HERC2: variants seen among roughly 807,000 people sequenced by gnomAD.
HERC2 encodes HECT and RLD domain containing E3 ubiquitin protein ligase 2.
Under a neutral mutation model 537.7 loss-of-function variants are expected in HERC2, and 102 were observed. The ratio of observed to expected loss-of-function variants is 0.19; its 90% CI spans 0.16 to 0.22. HERC2 has a LOEUF of 0.22. Ranked by LOEUF, HERC2 falls within the 10% of genes least tolerant of loss-of-function variation. HERC2 has a pLI of 1.00. For synonymous variants in HERC2, 2,224 were observed against 2,466.2 expected (o/e 0.90, Z 2.91); for missense variants, 4,236 against 6,198.2 (o/e 0.68, Z 10.63).
At chr15:28,168,348 A>T (rs1894356238) in intron 67 of HERC2, 59 bp downstream of exon 67, 1 of 1,516,188 alleles carries the variant, frequency 6.6e-7, no homozygotes. Flanking sequence ...AGACTTTCCT[A>T]GACACAAAGT....
Position 28,177,624 on chromosome 15 carries a change from A to G in HERC2, c.9164-115T>C. 1 of 828,022 alleles carries G rather than the reference A, an allele frequency of 1.2e-6. No homozygotes were observed. Among genetic ancestry groups the G allele is most frequent in the South Asian group, 1.5e-5 (1 of 68,536 alleles). The allele number at this position is 828,022 out of a possible 1,614,324, so 51.3% of individuals were successfully genotyped here. A position where few individuals can be genotyped will look rare whatever the true frequency, so the allele number is the denominator to read the frequency against. On this transcript the variant is annotated intron_variant, in intron 59 of 92. Coordinates refer to ENST00000261609, the MANE Select transcript of HERC2 (RefSeq NM_004667.6). This position sits in a 1 kb window ranked among gnomAD's most constrained non-coding sequence, Gnocchi z 5.0. ...CACACACTCAATGAGCGTGAGCTGA[A>G]TAAATGAGTAACTCAACAGGATCAA...
At chr15:28,274,517 A>G (rs1192780267) in intron 6 of HERC2, 70 bp from the exon 7 acceptor site, 9 of 1,485,030 alleles carry the variant, frequency 6.1e-6, no homozygotes, top group Admixed American at 4.2e-5. Flanking sequence ...CCCACCCCTC[A>G]GCGAGAGATG....
chr15:28,277,353 C>T (rs1322765084), intron 5 of HERC2, among the ~76,000 whole-genome samples: 1 of 151,952 alleles, frequency 6.6e-6, no homozygotes, highest in Non-Finnish European at 1.5e-5. Context: ...TTAACACCCT[C>T]GTTGTGATGA....
chr15:28,256,574 C>A (rs1456118259), intron 17 of HERC2, among the ~76,000 whole-genome samples: 1 of 152,096 alleles, frequency 6.6e-6, no homozygotes, highest in African/African-American at 2.4e-5. Context: ...CAACTAGCAA[C>A]AGCAACCTCC....
In HERC2 at chr15:28,125,087, G is replaced by C. The variant is rs1324009927; in HGVS notation, c.12909C>G (p.Val4303=). The C allele has an allele frequency of 1.2e-6, 2 of 1,614,084 alleles. No homozygotes were observed. Among genetic ancestry groups the C allele is most frequent in the East Asian group, 2.2e-5 (1 of 44,866 alleles). The stretch of plus-strand genomic sequence containing the variant: ...GTGCTGAGCCACAGGCCACACGGTT[G>C]ACCTTCTTACCCTGAAGGGCAGCTA... The part of the protein sequence containing the change: ...RLVAALQGKK[V]NRVACGSAHT... Residue 4303 remains valine (V), a synonymous_variant, in exon 84 of 93, where the codon GTC becomes GTG. Transcript: ENST00000261609.
At chr15:28,217,749 C>T in intron 38 of HERC2, among the ~76,000 whole-genome samples, 1 of 152,130 alleles carries the variant, frequency 6.6e-6, no homozygotes. Flanking sequence ...TCAAAGAGTC[C>T]TTTCAGAGAC....
rs145270847 is a variant in HERC2 at position 28,307,288 on chromosome 15, G to C, written c.73-7772C>G. On this transcript the variant is annotated intron_variant, in intron 2 of 92. Transcript: ENST00000261609. The stretch of plus-strand genomic sequence containing the variant: ...TCTTTTTCTCTTAGCCTGCCTGAAG[G>C]CTTGTCAATTTATCTTTTAGAAAAA... 1.6e-3 allele frequency among the ~76,000 whole-genome samples: 249 copies of C among 152,250 alleles called. 3 individuals carry two copies. The highest frequency in any genetic ancestry group is 5.6e-3 in the African/African-American group (233 of 41,570).
intron 20 of HERC2, among the ~76,000 whole-genome samples, chr15:28,251,869 A>G (rs775838067): frequency 6.6e-6 from 1 of 152,242 alleles, no homozygotes; most frequent in Non-Finnish European, 1.5e-5. Flanking sequence ...CCATTTCAAC[A>G]TGATATCACT....
chr15:28,215,910 C>T (rs771905495), intron 38 of HERC2, 108 bp from the exon 39 acceptor site: 2 of 822,172 alleles, frequency 2.4e-6, no homozygotes, highest in Non-Finnish European at 3.7e-6. Context: ...AAAATAAGCT[C>T]CTTTACAAAT....
intron 48 of HERC2, among the ~76,000 whole-genome samples, chr15:28,200,530 C>G (rs1398758054): frequency 2.0e-5 from 3 of 152,140 alleles, no homozygotes; most frequent in Non-Finnish European, 4.4e-5. Flanking sequence ...GTTGTTGAAG[C>G]TGCCAGTCTA....
intron 26 of HERC2, among the ~76,000 whole-genome samples, chr15:28,235,775 A>G (rs1034200763): frequency 1.3e-5 from 2 of 152,198 alleles, no homozygotes; most frequent in African/African-American, 4.8e-5. Context: ...AGCTGAAAGC[A>G]GAGGCGTGTC....
intron 44 of HERC2, among the ~76,000 whole-genome samples, chr15:28,210,476 GTC>G: frequency 6.6e-6 from 1 of 152,266 alleles, no homozygotes; most frequent in African/African-American, 2.4e-5. Flanking sequence ...GTGTGATAAA[GTC>G]CCACGGAATG....
chr15:28,166,898 A>C (rs1483647018), intron 68 of HERC2, among the ~76,000 whole-genome samples: 1 of 152,250 alleles, frequency 6.6e-6, no homozygotes, highest in Non-Finnish European at 1.5e-5. Flanking sequence ...TATTTGACTA[A>C]AACAGGAACT....
chr15:28,150,786 A>C (rs1262058796), intron 70 of HERC2, among the ~76,000 whole-genome samples: 2 of 152,146 alleles, frequency 1.3e-5, no homozygotes, highest in African/African-American at 2.4e-5. Flanking sequence ...TTACTGAAAA[A>C]ACACACGTGA....
At chr15:28,193,172 C>T (rs1439386931) in intron 52 of HERC2, among the ~76,000 whole-genome samples, 1 of 152,016 alleles carries the variant, frequency 6.6e-6, no homozygotes, top group African/African-American at 2.4e-5. Flanking sequence ...CTAAAAATTA[C>T]CAGAAATGAT....
At chr15:28,138,962 T>TGAG (rs1388634900) in intron 78 of HERC2, among the ~76,000 whole-genome samples, 1 of 152,178 alleles carries the variant, frequency 6.6e-6, no homozygotes, top group East Asian at 1.9e-4. Flanking sequence ...CAGATGACCT[T>TGAG]GAGGGATTCA....
chr15:28,223,784 C>G (rs1243765274), intron 35 of HERC2, among the ~76,000 whole-genome samples: 1 of 152,126 alleles, frequency 6.6e-6, no homozygotes, highest in Non-Finnish European at 1.5e-5. Flanking sequence ...CTGATCAGGG[C>G]AGGCCGCAAA....
chr15:28,124,260 C>G, intron 84 of HERC2, 26 bp from the exon 85 acceptor site: 1 of 1,413,900 alleles, frequency 7.1e-7, no homozygotes. Flanking sequence ...GGCCTTCAGC[C>G]CCTCAGGCAC....
rs768748721 is a variant in HERC2, at chr15:28,254,402, C to T, written c.2988G>A (p.Gly996=). ...TPLDKDLINT[G]ICESSGKQCL... is the part of the protein sequence containing the mutation. The stretch of plus-strand genomic sequence containing the variant: ...ACTGTTTGCCAGAAGACTCACAGAT[C>T]CCCGTATTAATAAGGTCTTTATCCA... Residue 996 remains glycine, a synonymous_variant, in exon 20 of 93, where the codon GGG becomes GGA. Coordinates refer to ENST00000261609, the MANE Select transcript of HERC2 (RefSeq NM_004667.6). The T allele has an allele frequency of 1.9e-6, 3 of 1,608,704 alleles. No individual in the cohort carries two copies. In the South Asian group the frequency reaches 3.3e-5, roughly 18 times the overall value.
Sources: allele counts gnomAD v4.1 joint callset (sites outside exome capture counted in the v4.1 genomes callset), GRCh38; gene constraint gnomAD v4.1.1; non-coding constraint Gnocchi (gnomAD v3.1); transcripts MANE v1.5; gene names NCBI Gene and HGNC (gene_info 2026-07-23, HGNC 2026-07-21).